ARHGEF3: variants seen among roughly 807,000 people sequenced by gnomAD.
ARHGEF3 encodes the protein Rho guanine nucleotide exchange factor 3.
Under a neutral mutation model 63.2 loss-of-function variants are expected in ARHGEF3, and 28 were observed. That is an observed-to-expected ratio of 0.44 (90% CI 0.33 to 0.61). The LOEUF is 0.61. Among genes scored for constraint, ARHGEF3 ranks in the 20% least tolerant of loss-of-function variants. The probability of loss-of-function intolerance (pLI) is 0.03; values close to 1 mark genes in which losing one functional copy is unlikely to be tolerated. For missense variants in ARHGEF3, 533 were observed against 659.3 expected, an observed-to-expected ratio of 0.81 and a Z score of 2.10; for synonymous variants, 266 against 254.2, an observed-to-expected ratio of 1.05 and a Z score of -0.44.
intron 4 of ARHGEF3, among the ~76,000 whole-genome samples, chr3:56,850,366 TA>T (rs1244491985): frequency 1.3e-5 from 2 of 152,182 alleles, no homozygotes; most frequent in Admixed American, 1.3e-4. Flanking sequence ...TTGTCTCTAC[TA>T]AAAATACAAA....
intron 4 of ARHGEF3, among the ~76,000 whole-genome samples, chr3:56,825,826 C>G (rs2038694890): frequency 6.6e-6 from 1 of 152,138 alleles, no homozygotes; most frequent in African/African-American, 2.4e-5. Context: ...CTGATCATGG[C>G]TCTACAACTT....
intron 4 of ARHGEF3, among the ~76,000 whole-genome samples, chr3:56,837,798 C>G (rs957453764): frequency 1.3e-5 from 2 of 152,222 alleles, no homozygotes; most frequent in African/African-American, 4.8e-5. Context: ...ACCAGCGATT[C>G]TGGTCAGGTC....
At chr3:57,036,983 C>T (rs1214339818) in intron 1 of ARHGEF3, among the ~76,000 whole-genome samples, 5 of 152,210 alleles carry the variant, frequency 3.3e-5, no homozygotes, top group African/African-American at 7.2e-5. Context: ...TACCCCAAGG[C>T]GTTAGACAGT....
intron 4 of ARHGEF3, among the ~76,000 whole-genome samples, chr3:56,845,659 G>A (rs1273148998): frequency 6.6e-6 from 1 of 152,094 alleles, no homozygotes; most frequent in Non-Finnish European, 1.5e-5. Flanking sequence ...CTTCCTAATT[G>A]ATTTACTAGT....
chr3:56,905,274 A>T (rs972034770), intron 3 of ARHGEF3, among the ~76,000 whole-genome samples: 1 of 152,198 alleles, frequency 6.6e-6, no homozygotes, highest in Admixed American at 6.5e-5. Context: ...CATCCCAGCC[A>T]TCGCTTCCTT....
chr3:56,868,641 G>T (rs1389398108), intron 4 of ARHGEF3, among the ~76,000 whole-genome samples: 1 of 152,180 alleles, frequency 6.6e-6, no homozygotes, highest in Non-Finnish European at 1.5e-5. Flanking sequence ...GGGATTACAG[G>T]CATGAGCCAC....
At chr3:56,866,384 T>C (rs1003815664) in intron 4 of ARHGEF3, among the ~76,000 whole-genome samples, 4 of 152,162 alleles carry the variant, frequency 2.6e-5, no homozygotes, top group East Asian at 1.9e-4. Context: ...AGACTAAAGA[T>C]GGTGGGTTAG....
chr3:57,026,274 G>C (rs1703470675), intron 2 of ARHGEF3, among the ~76,000 whole-genome samples: 1 of 152,094 alleles, frequency 6.6e-6, no homozygotes, highest in Non-Finnish European at 1.5e-5. Context: ...GGTGGTGCAA[G>C]CCTGTAGTCC....
At chr3:56,762,630 C>T (rs1441635886) in intron 2 of ARHGEF3, among the ~76,000 whole-genome samples, 3 of 152,146 alleles carry the variant, frequency 2.0e-5, no homozygotes, top group African/African-American at 7.2e-5. Context: ...AACCATTTTC[C>T]ACAGCCACAG....
At chr3:56,732,663 C>T (rs1184423408) in intron 8 of ARHGEF3, among the ~76,000 whole-genome samples, 1 of 152,108 alleles carries the variant, frequency 6.6e-6, no homozygotes, top group Non-Finnish European at 1.5e-5. Context: ...AGCCCTTCTG[C>T]CTACAGACAC....
intron 4 of ARHGEF3, among the ~76,000 whole-genome samples, chr3:56,879,637 T>C (rs1429435117): frequency 3.5e-5 from 5 of 142,568 alleles, no homozygotes; most frequent in African/African-American, 7.9e-5. Flanking sequence ...GAGTCATCCA[T>C]TGGGACCCAC....
At chr3:56,874,093 C>A (rs552554682) in intron 4 of ARHGEF3, among the ~76,000 whole-genome samples, 25 of 152,308 alleles carry the variant, frequency 1.6e-4, no homozygotes, top group African/African-American at 6.0e-4. Flanking sequence ...AGGCAAGATG[C>A]AATATGTCTA....
chr3:57,021,396 CATT>C (rs1285672907), intron 2 of ARHGEF3, among the ~76,000 whole-genome samples: 1 of 152,192 alleles, frequency 6.6e-6, no homozygotes, highest in Admixed American at 6.5e-5. Context: ...CCTAGGGAAA[CATT>C]AGCGCACTCC....
chr3:56,807,974 AT>A (rs2037924349), intron 4 of ARHGEF3, among the ~76,000 whole-genome samples: 2 of 152,056 alleles, frequency 1.3e-5, no homozygotes, highest in Admixed American at 1.3e-4. Context: ...AAATACGAAA[AT>A]TAGCCAGGCA....
At chr3:56,967,968 T>C (rs1578981410) in intron 2 of ARHGEF3, among the ~76,000 whole-genome samples, 1 of 67,140 alleles carries the variant, frequency 1.5e-5, no homozygotes, top group East Asian at 5.4e-4. Context: ...TAAAATATAT[T>C]TTATATTATA....
rs949942204 is a variant in ARHGEF3 at position 56,950,284 on chromosome 3, T to C, written c.129+8539A>G. Among the ~76,000 whole-genome samples the C allele has an allele frequency of 1.1e-4, 17 of 151,986 alleles. 1 individual carries two copies. Among genetic ancestry groups the C allele is most frequent in the African/African-American group, 4.1e-4 (17 of 41,328 alleles). ...CAAAAGCCAAAACTGACAAATGGGA[T>C]CTAATTAAACTAAAGAGCTTCTGCA... On this transcript the variant is annotated intron_variant, in intron 3 of 12. Transcript: ENST00000338458.
intron 4 of ARHGEF3, among the ~76,000 whole-genome samples, chr3:56,842,183 T>C (rs1301720909): frequency 2.6e-5 from 4 of 152,212 alleles, no homozygotes; most frequent in Non-Finnish European, 5.9e-5. Context: ...TCTTGCAGTG[T>C]TTCCCCAAGC....
intron 4 of ARHGEF3, among the ~76,000 whole-genome samples, chr3:56,861,462 G>A (rs2040069423): frequency 6.6e-6 from 1 of 152,162 alleles, no homozygotes; most frequent in Admixed American, 6.5e-5. Context: ...GTGAAAGCAT[G>A]CAAAAGAAAC....
At chr3:56,775,606 T>C in intron 1 of ARHGEF3, 1 of 985,630 alleles carries the variant, frequency 1.0e-6, no homozygotes, top group South Asian at 4.7e-5. Flanking sequence ...ATGAAAGCCA[T>C]TGCGTGACAA....
Sources: gnomAD v4.1 joint callset for allele counts (sites outside exome capture counted in the v4.1 genomes callset) on GRCh38, gnomAD v4.1.1 for gene constraint, MANE v1.5 for transcripts, NCBI Gene and HGNC (gene_info 2026-07-23, HGNC 2026-07-21) for gene names.